MDN1: variants seen among roughly 807,000 people sequenced by gnomAD.
The protein encoded by MDN1 is midasin.
MDN1 carries 266 observed loss-of-function variants against 669.2 expected under a neutral mutation model. The ratio of observed to expected loss-of-function variants is 0.40; its 90% CI spans 0.36 to 0.44. The LOEUF (loss-of-function observed/expected upper bound fraction) is 0.44. Among genes scored for constraint, MDN1 ranks in the 20% least tolerant of loss-of-function variants. The pLI is 1.00. For missense variants in MDN1, 5,940 were observed against 6,754.0 expected, an observed-to-expected ratio of 0.88 and a Z score of 4.22; for synonymous variants, 2,385 against 2,457.1, an observed-to-expected ratio of 0.97 and a Z score of 0.87.
Position 89,772,590 on chromosome 6 carries a change from TATTGGATGGTAG to T in MDN1, c.2054_2065del (p.Ser685_Gln688del). On this transcript the variant is annotated inframe_deletion, in exon 14 of 102. Coordinates refer to ENST00000369393, the MANE Select transcript of MDN1 (RefSeq NM_014611.3). ...GGGATTACCTGTAATGTGAGCCAAGTATTGGATGGTAGAGGTTTTGCCAGTCCCGGTCTCTCC... is the reference window on the plus strand; with the variant it reads ...GGGATTACCTGTAATGTGAGCCAAGTAGGTTTTGCCAGTCCCGGTCTCTCC... 6.2e-7 allele frequency: 1 copy of T among 1,614,084 alleles called. No homozygotes were observed. Among genetic ancestry groups the T allele is most frequent in the Non-Finnish European group, 8.5e-7 (1 of 1,179,988 alleles).
At position 89,729,985 on chromosome 6, in the gene MDN1, G is replaced by T. The variant is rs1815489877; in HGVS notation, c.5140+741C>A. 2.6e-5 allele frequency among the ~76,000 whole-genome samples: 4 copies of T among 152,196 alleles called. No homozygotes were observed. The South Asian group carries it at 8.3e-4, about 32-fold the overall frequency. On this transcript the variant is annotated intron_variant, in intron 35 of 101. Coordinates refer to ENST00000369393, the MANE Select transcript of MDN1 (RefSeq NM_014611.3). ...CACTGAAACCCCAGTAATTGCCACT[G>T]CAACTCCATATACTTCAGGCATTCA...
chr6:89,753,411 TATAATTAAAAAGTTA>T (rs1426786820), intron 22 of MDN1, 86 bp downstream of exon 22: 1 of 885,956 alleles, frequency 1.1e-6, no homozygotes, highest in Non-Finnish European at 1.8e-6. Context: ...AGATTACCTT[TATAATTAAAAAGTTA>T]TGTGAAAAAA....
intron 83 of MDN1, among the ~76,000 whole-genome samples, chr6:89,670,171 T>TATATATATATATATA (rs1491299915): frequency 7.7e-5 from 1 of 12,994 alleles, no homozygotes; most frequent in Admixed American, 1.1e-3. Flanking sequence ...TATATATATA[T>TATATATATATATATA]TTTTTTTTTT....
rs542574969 is a variant in MDN1 at position 89,706,075 on chromosome 6, T to C, written c.8132A>G (p.Asp2711Gly). 2.5e-6 allele frequency: 4 copies of C among 1,607,074 alleles called. No individual in the cohort carries two copies. The South Asian group carries it at 3.3e-5, about 13-fold the overall frequency. ...WVQSSQGMVS[D>G]ASANEILGSL... ...GTTCCTTACCTCATTGGCACTGGCA[T>C]CAGACACCATTCCCTGGGAGGACTG... The change falls in exon 53 of 102, where the codon GAT becomes GGT. Residue 2711 changes from aspartate to glycine, a missense_variant. Coordinates refer to ENST00000369393, the MANE Select transcript of MDN1 (RefSeq NM_014611.3).
intron 2 of MDN1, 80 bp from the exon 3 acceptor site, chr6:89,794,881 G>A: frequency 8.8e-7 from 1 of 1,142,390 alleles, no homozygotes; most frequent in South Asian, 1.4e-5. Context: ...AGGTTTATCA[G>A]AGTATTAAAT....
intron 46 of MDN1, 150 bp downstream of exon 46, chr6:89,714,393 G>C (rs1814184817): frequency 2.8e-6 from 2 of 702,588 alleles, no homozygotes; most frequent in Non-Finnish European, 4.5e-6. Context: ...CAATCTCTTG[G>C]GGTGTCTGGA....
chr6:89,809,178 C>T (rs1768207677), intron 1 of MDN1, among the ~76,000 whole-genome samples: 1 of 144,206 alleles, frequency 6.9e-6, no homozygotes, highest in Admixed American at 7.1e-5. Context: ...GATCGTGCCC[C>T]TGCACTCCAG....
Position 89,784,993 on chromosome 6 carries a change from C to A in MDN1, c.1449+19G>T. 6.5e-7 allele frequency: 1 copy of A among 1,540,886 alleles called. No individual in the cohort carries two copies. The highest frequency in any genetic ancestry group is 1.4e-5 in the African/African-American group (1 of 73,452). ...CCACTGCACCTGGCCAGCATTGATA[C>A]TTTCCAAGACCCACGTACCTCATTC... On this transcript the variant is annotated intron_variant, in intron 9 of 101. Coordinates refer to ENST00000369393, the MANE Select transcript of MDN1 (RefSeq NM_014611.3).
intron 31 of MDN1, among the ~76,000 whole-genome samples, chr6:89,742,836 C>T (rs1428805922): frequency 6.6e-6 from 1 of 152,032 alleles, no homozygotes; most frequent in Non-Finnish European, 1.5e-5. Flanking sequence ...TCCCATTGTT[C>T]TGATTATTGA....
chr6:89,804,907 G>A (rs1296828522), intron 1 of MDN1, among the ~76,000 whole-genome samples: 1 of 151,812 alleles, frequency 6.6e-6, no homozygotes, highest in African/African-American at 2.4e-5. Flanking sequence ...GAGGTGGCAG[G>A]CGCCTGTAGT....
intron 1 of MDN1, among the ~76,000 whole-genome samples, chr6:89,819,079 G>A (rs1197033843): frequency 6.6e-6 from 1 of 152,164 alleles, no homozygotes; most frequent in Non-Finnish European, 1.5e-5. Flanking sequence ...CTTACGCACA[G>A]CAGGAATGCA....
Position 89,700,722 on chromosome 6 carries a change from C to T in MDN1, c.8562G>A (p.Gln2854=), listed in dbSNP as rs1188267404. The part of the protein sequence containing the change: ...DINRLQVVAS[Q]WTLKKSLLQA... ...GCAGGAGACTTTTCTTTAATGTCCA[C>T]TGAGAAGCAACCACTTGGAGACGGT... The change falls in exon 56 of 102, where the codon CAG becomes CAA. Residue 2854 remains glutamine (Q), a synonymous_variant. Coordinates refer to ENST00000369393, the MANE Select transcript of MDN1 (RefSeq NM_014611.3). The T allele has an allele frequency of 6.2e-7, 1 of 1,614,214 alleles. No homozygotes were observed. The highest frequency in any genetic ancestry group is 1.1e-5 in the South Asian group (1 of 91,088).
At chr6:89,654,104 G>A in intron 93 of MDN1, 60 bp downstream of exon 93, 1 of 1,577,014 alleles carries the variant, frequency 6.3e-7, no homozygotes, top group Non-Finnish European at 8.7e-7. Flanking sequence ...TATAGTGAGA[G>A]AGAACTGACT....
rs1486652593 is a variant in MDN1 at position 89,675,506 on chromosome 6, C to T, written c.12719G>A (p.Arg4240Gln). Residue 4240 changes from arginine to glutamine, a missense_variant, in exon 78 of 102, where the codon CGG (arginine) becomes CAG (glutamine). Physicochemically the swap from Arg to Gln is conservative, Grantham distance 43. Around this residue, in one of 5 missense-constraint regions of MDN1, gnomAD observed 2,280 missense variants for 2,576.3 expected, o/e 0.88. Coordinates refer to ENST00000369393, the MANE Select transcript of MDN1 (RefSeq NM_014611.3). ...CTCACTGAGCGTGGTCAGGGAGCGC[C>T]GCTGTCGGACGAGCATCTTCATCAA... Reference protein sequence around the residue: ...AHLMKMLVRQRRSLTTLSEQW... With the variant: ...AHLMKMLVRQQRSLTTLSEQW... 4.3e-6 allele frequency: 7 copies of T among 1,613,680 alleles called. No individual in the cohort carries two copies. The highest frequency in any genetic ancestry group is 1.1e-5 in the South Asian group (1 of 91,074).
intron 95 of MDN1, among the ~76,000 whole-genome samples, chr6:89,651,949 A>G (rs879405147): frequency 6.6e-6 from 1 of 152,176 alleles, no homozygotes; most frequent in African/African-American, 2.4e-5. Context: ...TTACAGAGCC[A>G]GCAACAGAAA....
At chr6:89,674,747 G>T (rs1688051181) in intron 78 of MDN1, among the ~76,000 whole-genome samples, 158 bp from the exon 79 acceptor site, 1 of 152,150 alleles carries the variant, frequency 6.6e-6, no homozygotes, top group Admixed American at 6.5e-5. Flanking sequence ...CTGTTAAAAT[G>T]CCTCCCAAAG....
chr6:89,774,272 G>A (rs554220763), intron 13 of MDN1, among the ~76,000 whole-genome samples: 25 of 152,170 alleles, frequency 1.6e-4, no homozygotes, highest in African/African-American at 4.8e-4. Context: ...ATGTTACCTC[G>A]ATCTCAGAAT....
rs776650235 is a variant in MDN1 at position 89,774,754 on chromosome 6, C to A, written c.1822-21G>T. 3 of 1,540,112 alleles carry A rather than the reference C, an allele frequency of 1.9e-6. No individual in the cohort carries two copies. In the Admixed American group the frequency reaches 5.0e-5, roughly 26 times the overall value. On this transcript the variant is annotated intron_variant, in intron 12 of 101. Coordinates refer to ENST00000369393, the MANE Select transcript of MDN1 (RefSeq NM_014611.3). The stretch of plus-strand genomic sequence containing the variant: ...TCAGCCTGTAGGAGGTAAGATTTTA[C>A]CTGAGTAAAAATCCACATGCTTTTG...
chr6:89,789,117 C>T (rs1819120619), intron 7 of MDN1, among the ~76,000 whole-genome samples: 1 of 130,248 alleles, frequency 7.7e-6, no homozygotes, highest in Non-Finnish European at 1.6e-5. Flanking sequence ...GAGCAAGACT[C>T]TGTCTCACAA....
Sources: gnomAD v4.1 joint callset for allele counts (sites outside exome capture counted in the v4.1 genomes callset) on GRCh38, gnomAD v4.1.1 for gene constraint, gnomAD v4.1.1 regional missense constraint, MANE v1.5 for transcripts, NCBI Gene and HGNC (gene_info 2026-07-23, HGNC 2026-07-21) for gene names.